The following CPNE4 variants were observed in gnomAD, a reference collection of about 807,000 sequenced individuals.
The protein encoded by CPNE4 is copine-4.
CPNE4 carries 25 observed loss-of-function variants against 67.9 expected under a neutral mutation model. That is an observed-to-expected ratio of 0.37 (90% CI 0.27 to 0.51). The LOEUF is 0.51. Ranked by LOEUF, CPNE4 falls within the 20% of genes least tolerant of loss-of-function variation. The pLI, the probability that CPNE4 is intolerant of heterozygous loss-of-function variation, is 0.93. For missense variants in CPNE4, 464 were observed against 690.8 expected, an observed-to-expected ratio of 0.67 and a Z score of 3.68; for synonymous variants, 242 against 244.9, an observed-to-expected ratio of 0.99 and a Z score of 0.11.
rs1218354643 is a variant in CPNE4 at position 131,992,096 on chromosome 3, G to C, written c.-2+42471C>G. Among the ~76,000 whole-genome samples the C allele has an allele frequency of 2.9e-5, 4 of 136,652 alleles. 1 individual carries two copies. The highest frequency in any genetic ancestry group is 2.4e-4 in the Admixed American group (3 of 12,342). The allele number at this position is 136,652 out of a possible 152,430, so 89.6% of individuals were successfully genotyped here. ...TACAACAGTAAGGAAGGGAAATGTG[G>C]GGTTGGAATCCCTACACTGAGTCCT... On this transcript the variant is annotated intron_variant, in intron 1 of 15. Coordinates refer to ENST00000429747, the MANE Select transcript of CPNE4 (RefSeq NM_130808.3).
intron 3 of CPNE4, among the ~76,000 whole-genome samples, chr3:131,709,551 A>C (rs1486889699): frequency 6.6e-6 from 1 of 152,194 alleles, no homozygotes; most frequent in East Asian, 1.9e-4. Context: ...GTGCTGGCAA[A>C]GAGGTTGTTG....
intron 7 of CPNE4, among the ~76,000 whole-genome samples, chr3:131,626,728 A>G (rs574465999): frequency 2.6e-5 from 4 of 152,236 alleles, no homozygotes; most frequent in Non-Finnish European, 4.4e-5. Flanking sequence ...CAAATTTTCA[A>G]TATAGACAAA....
intron 1 of CPNE4, among the ~76,000 whole-genome samples, chr3:131,989,726 T>A (rs1000204286): frequency 7.3e-6 from 1 of 136,548 alleles, no homozygotes; most frequent in Admixed American, 8.3e-5. Context: ...GAGGAATAAA[T>A]CCAAATTTTA....
intron 2 of CPNE4, among the ~76,000 whole-genome samples, chr3:131,784,683 C>A (rs1374850298): frequency 6.6e-6 from 1 of 152,094 alleles, no homozygotes; most frequent in Non-Finnish European, 1.5e-5. Context: ...TAGTAACAGT[C>A]TTCCACAATC....
At chr3:132,035,814 T>C (rs1313087136), upstream of CPNE4, among the ~76,000 whole-genome samples, 1 of 152,200 alleles carries the variant, frequency 6.6e-6, no homozygotes, top group Non-Finnish European at 1.5e-5. Flanking sequence ...TTGGAATTAA[T>C]GAAGTAAAGT....
At chr3:131,866,655 T>C (rs999682549) in intron 2 of CPNE4, among the ~76,000 whole-genome samples, 14 of 151,962 alleles carry the variant, frequency 9.2e-5, no homozygotes, top group Non-Finnish European at 1.8e-4. Flanking sequence ...AGTGAAAAAA[T>C]AAACAATGGA....
intron 7 of CPNE4, among the ~76,000 whole-genome samples, chr3:131,648,098 C>T (rs1478954750): frequency 6.6e-6 from 1 of 152,204 alleles, no homozygotes; most frequent in African/African-American, 2.4e-5. Context: ...TGTGGCTGGG[C>T]ATAGTGGTTT....
chr3:131,656,668 T>C (rs1355832675), intron 7 of CPNE4, among the ~76,000 whole-genome samples: 1 of 152,212 alleles, frequency 6.6e-6, no homozygotes, highest in South Asian at 2.1e-4. Flanking sequence ...CCAGTTCCTT[T>C]CCCACGGACC....
chr3:131,568,278 T>C (rs1446764692), intron 10 of CPNE4, among the ~76,000 whole-genome samples: 2 of 151,958 alleles, frequency 1.3e-5, no homozygotes, highest in Non-Finnish European at 2.9e-5. Flanking sequence ...CAGGGGGTGG[T>C]CTTCCACCAA....
intron 6 of CPNE4, among the ~76,000 whole-genome samples, chr3:131,678,560 T>A (rs1048640307): frequency 6.6e-6 from 1 of 152,176 alleles, no homozygotes; most frequent in South Asian, 2.1e-4. Context: ...CAGTATGATG[T>A]TGTCTGTGGG....
intron 2 of CPNE4, among the ~76,000 whole-genome samples, chr3:131,901,400 G>C (rs929151442): frequency 6.6e-6 from 1 of 152,010 alleles, no homozygotes; most frequent in East Asian, 1.9e-4. Context: ...TTTTTTTAAA[G>C]GATATGATCC....
chr3:131,809,439 A>C (rs1012517774), intron 2 of CPNE4, among the ~76,000 whole-genome samples: 5 of 152,252 alleles, frequency 3.3e-5, no homozygotes, highest in Non-Finnish European at 5.9e-5. Context: ...TAAGATAATA[A>C]ATTTGTGTTG....
At chr3:131,792,615 A>ATGTG (rs2083759510) in intron 2 of CPNE4, among the ~76,000 whole-genome samples, 1 of 113,154 alleles carries the variant, frequency 8.8e-6, no homozygotes, top group Non-Finnish European at 1.8e-5. Flanking sequence ...GTGTGTGTAT[A>ATGTG]TATGTATATA....
chr3:131,847,937 T>C (rs1331629444), intron 2 of CPNE4, among the ~76,000 whole-genome samples: 5 of 152,196 alleles, frequency 3.3e-5, no homozygotes, highest in Admixed American at 6.5e-5. Context: ...ACTGTGGCTC[T>C]GCACAGCTGG....
rs1443917728 is a variant in CPNE4, at chr3:131,792,691, A to ATATG, written c.181-69067_181-69066insCATA. Among the ~76,000 whole-genome samples, 6 of 71,560 alleles carry ATATG rather than the reference A, an allele frequency of 8.4e-5. 2 individuals carry two copies. Among genetic ancestry groups the ATATG allele is most frequent in the African/African-American group, 2.4e-4 (4 of 16,484 alleles). The allele number at this position is 71,560 out of a possible 152,430, so 46.9% of individuals were successfully genotyped here. Reference sequence around the variant, plus strand: ...TATATACATATATACACACGTGTATATATACATATACACACACGTGTATAT... The same window carrying ATATG: ...TATATACATATATACACACGTGTATATATGTATACATATACACACACGTGTATAT... On this transcript the variant is annotated intron_variant, in intron 2 of 15. Transcript: ENST00000429747.
chr3:131,635,960 A>G (rs1008720153), intron 7 of CPNE4, among the ~76,000 whole-genome samples: 3 of 122,446 alleles, frequency 2.5e-5, no homozygotes, highest in African/African-American at 4.9e-5. Flanking sequence ...GGGCGCCTGT[A>G]GTCCCAGCTA....
chr3:131,600,506 C>T (rs977974799), intron 7 of CPNE4, among the ~76,000 whole-genome samples: 1 of 152,134 alleles, frequency 6.6e-6, no homozygotes, highest in African/African-American at 2.4e-5. Context: ...GGTCTTTCCA[C>T]CAGTCTTTGT....
At chr3:131,869,160 G>A (rs2087088898) in intron 2 of CPNE4, among the ~76,000 whole-genome samples, 1 of 151,940 alleles carries the variant, frequency 6.6e-6, no homozygotes, top group Admixed American at 6.6e-5. Flanking sequence ...TAGTTCTTTT[G>A]GTTTTTGTCT....
chr3:131,763,478 T>C (rs2082938905), intron 2 of CPNE4, among the ~76,000 whole-genome samples: 1 of 152,146 alleles, frequency 6.6e-6, no homozygotes, highest in Non-Finnish European at 1.5e-5. Context: ...CCAGTTATCA[T>C]TTTTCACTTT....
Sources: allele counts gnomAD v4.1 joint callset (sites outside exome capture counted in the v4.1 genomes callset), GRCh38; gene constraint gnomAD v4.1.1; transcripts MANE v1.5; gene names NCBI Gene and HGNC (gene_info 2026-07-23, HGNC 2026-07-21).